The following PARD3B variants were observed in gnomAD, a reference collection of about 807,000 sequenced individuals.
The protein encoded by PARD3B is partitioning defective 3 homolog B.
A neutral mutation model predicts 130.2 loss-of-function variants in PARD3B; 103 were observed. The observed-to-expected ratio is 0.79, with a 90% CI of 0.67 to 0.93. PARD3B has a LOEUF of 0.93. Ranked by LOEUF, PARD3B falls within the 40% of genes least tolerant of loss-of-function variation. The pLI is 0.00. For synonymous variants in PARD3B, 583 were observed against 553.2 expected (o/e 1.05, Z -0.76); for missense variants, 1,609 against 1,499.2 (o/e 1.07, Z -1.21).
intron 10 of PARD3B, among the ~76,000 whole-genome samples, chr2:205,155,271 T>G (rs554772592): frequency 1.4e-5 from 2 of 146,488 alleles, no homozygotes; most frequent in African/African-American, 5.0e-5. Flanking sequence ...AGATCCATGC[T>G]CTCTGCAAAT....
intron 13 of PARD3B, among the ~76,000 whole-genome samples, chr2:205,179,925 A>G (rs1036264033): frequency 2.0e-5 from 3 of 152,142 alleles, no homozygotes; most frequent in African/African-American, 7.2e-5. Context: ...TGGAATTTCA[A>G]TAGAATGTTC....
In PARD3B at chr2:205,428,996, T is replaced by C. The variant is rs953846275; in HGVS notation, c.2742-11374T>C. On this transcript the variant is annotated intron_variant, in intron 19 of 22. Coordinates refer to ENST00000406610, the MANE Select transcript of PARD3B (RefSeq NM_001302769.2). ...TACTCAACATAAACCTGGAACTACT[T>C]ATTTGTGGTAAAGCAAGGAAGCAAT... Among the ~76,000 whole-genome samples, 36 of 152,110 alleles carry C rather than the reference T, an allele frequency of 2.4e-4. 1 individual carries two copies. The highest frequency in any genetic ancestry group is 2.0e-3 in the Admixed American group (30 of 15,270).
At chr2:205,216,417 C>G (rs1322396466) in intron 15 of PARD3B, among the ~76,000 whole-genome samples, 1 of 152,062 alleles carries the variant, frequency 6.6e-6, no homozygotes, top group Non-Finnish European at 1.5e-5. Flanking sequence ...TTGACTTTCT[C>G]TTAGTGGAAG....
intron 1 of PARD3B, among the ~76,000 whole-genome samples, chr2:204,657,397 T>G (rs2125177812): frequency 6.6e-6 from 1 of 152,226 alleles, no homozygotes; most frequent in East Asian, 1.9e-4. Context: ...TCCCAGCTAC[T>G]TGGGAGACTG....
intron 21 of PARD3B, among the ~76,000 whole-genome samples, chr2:205,517,524 A>AAAAC (rs1022581258): frequency 6.6e-6 from 1 of 152,108 alleles, no homozygotes; most frequent in African/African-American, 2.4e-5. Flanking sequence ...TTTTTTCAAA[A>AAAAC]AAACAACTTC....
At chr2:204,556,528 G>T (rs2030932838) in intron 1 of PARD3B, among the ~76,000 whole-genome samples, 1 of 152,168 alleles carries the variant, frequency 6.6e-6, no homozygotes, top group Non-Finnish European at 1.5e-5. Flanking sequence ...GAAAGATGAT[G>T]AAGAATTTTC....
In PARD3B at chr2:204,599,827, C is replaced by G. The variant is rs2033438065; in HGVS notation, c.120+53708C>G. On this transcript the variant is annotated intron_variant, in intron 1 of 22. Transcript: ENST00000406610. ...CAACAGTGTATAAGTGTTCCTGTTT[C>G]TCTGCATCCTCACTAGCATTTTTTT... 2.0e-5 allele frequency among the ~76,000 whole-genome samples: 3 copies of G among 151,868 alleles called. No homozygotes were observed. The South Asian group carries it at 6.2e-4, about 31-fold the overall frequency.
At chr2:204,559,192 G>C (rs752439652) in intron 1 of PARD3B, among the ~76,000 whole-genome samples, 2 of 152,166 alleles carry the variant, frequency 1.3e-5, no homozygotes, top group Non-Finnish European at 2.9e-5. Flanking sequence ...ATTGACAAAT[G>C]GGATCTAATT....
intron 16 of PARD3B, among the ~76,000 whole-genome samples, chr2:205,296,753 C>T (rs1198753540): frequency 6.6e-6 from 1 of 150,574 alleles, no homozygotes; most frequent in Non-Finnish European, 1.5e-5. Flanking sequence ...GGGGATGTAT[C>T]GGAGGATTGA....
chr2:205,101,014 T>G (rs998555673), intron 4 of PARD3B, among the ~76,000 whole-genome samples: 1 of 150,780 alleles, frequency 6.6e-6, no homozygotes, highest in Non-Finnish European at 1.5e-5. Flanking sequence ...ATAAAAAACT[T>G]TTGTGCTTTA....
At chr2:205,611,351 T>G (rs2055223028) in intron 22 of PARD3B, among the ~76,000 whole-genome samples, 1 of 152,192 alleles carries the variant, frequency 6.6e-6, no homozygotes, top group Admixed American at 6.5e-5. Flanking sequence ...CATCCTTGCG[T>G]AAACTGAAGG....
chr2:205,077,503 C>T (rs1252903131), intron 4 of PARD3B, among the ~76,000 whole-genome samples: 1 of 152,096 alleles, frequency 6.6e-6, no homozygotes. Flanking sequence ...TTGATGCATG[C>T]GTGCTTGATT....
chr2:204,743,401 G>A (rs940926069), intron 2 of PARD3B, among the ~76,000 whole-genome samples: 1 of 152,004 alleles, frequency 6.6e-6, no homozygotes, highest in Non-Finnish European at 1.5e-5. Context: ...AATTTTAAAT[G>A]GGAAGGATTT....
intron 2 of PARD3B, among the ~76,000 whole-genome samples, chr2:204,867,801 AAAT>A (rs1262898901): frequency 1.3e-5 from 2 of 152,178 alleles, no homozygotes; most frequent in Admixed American, 6.5e-5. Flanking sequence ...GTTGTTAAAA[AAAT>A]AATAATAATA....
At chr2:205,245,896 C>A in intron 16 of PARD3B, 74 bp downstream of exon 16, 1 of 1,283,712 alleles carries the variant, frequency 7.8e-7, no homozygotes, top group Non-Finnish European at 1.1e-6. Context: ...GCAGTTGGAA[C>A]CTGTTTCTAT....
intron 10 of PARD3B, among the ~76,000 whole-genome samples, chr2:205,149,860 T>C (rs1237567448): frequency 6.6e-6 from 1 of 152,180 alleles, no homozygotes; most frequent in Non-Finnish European, 1.5e-5. Context: ...ATTTTAATTG[T>C]CACAGCTTGG....
At chr2:205,522,010 C>T (rs2051082742) in intron 21 of PARD3B, among the ~76,000 whole-genome samples, 1 of 151,584 alleles carries the variant, frequency 6.6e-6, no homozygotes, top group African/African-American at 2.4e-5. Flanking sequence ...TATTTTTTTC[C>T]TTTACTGAAT....
intron 22 of PARD3B, among the ~76,000 whole-genome samples, chr2:205,605,710 C>G (rs762327802): frequency 5.3e-5 from 8 of 152,152 alleles, no homozygotes; most frequent in Non-Finnish European, 1.2e-4. Flanking sequence ...GTTGGAGGGT[C>G]TCACCCAGTC....
intron 19 of PARD3B, among the ~76,000 whole-genome samples, chr2:205,430,585 G>A (rs544945011): frequency 6.6e-6 from 1 of 152,220 alleles, no homozygotes; most frequent in Non-Finnish European, 1.5e-5. Flanking sequence ...AAATCCTATT[G>A]GAAAGCACTG....
Sources: gnomAD v4.1 joint callset for allele counts (sites outside exome capture counted in the v4.1 genomes callset) on GRCh38, gnomAD v4.1.1 for gene constraint, MANE v1.5 for transcripts, NCBI Gene and HGNC (gene_info 2026-07-23, HGNC 2026-07-21) for gene names.